Variants in SPMAP2 observed in about 807,000 individuals in gnomAD.
SPMAP2 encodes the protein sperm microtubule associated protein 2.
the SPMAP2 span, chr19:371,365 TGGGG>T: frequency 3.3e-4 from 284 of 855,394 alleles, 2 homozygotes; most frequent in East Asian, 1.4e-3. Flanking sequence ...CGGCCGGGGG[TGGGG>T]GTGTGTGTGT....
chr19:362,340 G>A, the SPMAP2 span: 2 of 1,610,720 alleles, frequency 1.2e-6, no homozygotes, highest in East Asian at 2.2e-5. Flanking sequence ...ATGATCCGGG[G>A]GCTGGCCACC....
the SPMAP2 span, chr19:372,722 G>A: frequency 1.9e-6 from 3 of 1,613,232 alleles, no homozygotes; most frequent in Non-Finnish European, 2.5e-6. Flanking sequence ...GGGAAACGGA[G>A]TCAGTGAACC....
At chr19:372,547 C>T in the SPMAP2 span, 1 of 1,432,486 alleles carries the variant, frequency 7.0e-7, no homozygotes, top group East Asian at 2.3e-5. Flanking sequence ...GGACCCTTTC[C>T]CACACAGCAT....
the SPMAP2 span, chr19:374,288 C>T: frequency 6.1e-5 from 99 of 1,613,640 alleles, no homozygotes; most frequent in Middle Eastern, 3.3e-4. Context: ...CGTGGTCTGG[C>T]GTGTCCTCAC....
At chr19:367,248 G>C in the SPMAP2 span, 1 of 1,571,632 alleles carries the variant, frequency 6.4e-7, no homozygotes, top group Non-Finnish European at 8.6e-7. Flanking sequence ...TAGAGAGAAG[G>C]GTTACGTGAA....
At chr19:366,769 T>C in the SPMAP2 span, among the ~76,000 whole-genome samples, 1 of 152,220 alleles carries the variant, frequency 6.6e-6, no homozygotes, top group African/African-American at 2.4e-5. Context: ...GTTATTCAAC[T>C]TGTTTTAAAA....
the SPMAP2 span, chr19:375,871 T>C: frequency 3.8e-6 from 6 of 1,580,750 alleles, no homozygotes; most frequent in African/African-American, 6.8e-5. Flanking sequence ...TACACAGAGC[T>C]CTGGAGGCCA....
the SPMAP2 span, among the ~76,000 whole-genome samples, chr19:370,495 C>A: frequency 4.3e-5 from 6 of 138,684 alleles, no homozygotes; most frequent in Admixed American, 3.9e-4. Flanking sequence ...GCGCCCGCCA[C>A]CACCCCCGGC....
the SPMAP2 span, chr19:372,660 T>G: frequency 1.2e-6 from 2 of 1,614,054 alleles, no homozygotes; most frequent in South Asian, 2.2e-5. Context: ...CCAGGTAGAA[T>G]CTCTTGGGCC....
chr19:371,314 G>A, the SPMAP2 span: 1 of 1,472,884 alleles, frequency 6.8e-7, no homozygotes, highest in Admixed American at 2.4e-5. Context: ...GGGCCAGACA[G>A]GAGTCGTCCT....
At chr19:371,371 T>C in the SPMAP2 span, 1 of 260,736 alleles carries the variant, frequency 3.8e-6, no homozygotes, top group East Asian at 9.5e-5. Context: ...GGGGTGGGGG[T>C]GTGTGTGTGT....
chr19:364,339 AAAAAAAAAAAAAAAAAAGAAAG>A, the SPMAP2 span, among the ~76,000 whole-genome samples: 17 of 81,854 alleles, frequency 2.1e-4, no homozygotes, highest in African/African-American at 4.1e-4. Context: ...TCTGTCTCAA[AAAAAAAAAAAAAAAAAAGAAAG>A]AAAAAAAAAG....
the SPMAP2 span, chr19:371,442 G>T: frequency 2.0e-6 from 1 of 490,780 alleles, no homozygotes. Flanking sequence ...CTCCATATGT[G>T]TCTGTCTGTC....
the SPMAP2 span, chr19:375,749 G>C: frequency 3.7e-6 from 6 of 1,609,884 alleles, no homozygotes; most frequent in African/African-American, 1.3e-5. Context: ...GGGTCTCCGG[G>C]AACTCCTCCC....
chr19:364,838 G>A, the SPMAP2 span, among the ~76,000 whole-genome samples: 3 of 152,046 alleles, frequency 2.0e-5, no homozygotes, highest in African/African-American at 7.2e-5. Flanking sequence ...AAGAAAGGTG[G>A]CCACCGAGTC....
At chr19:364,052 G>A in the SPMAP2 span, among the ~76,000 whole-genome samples, 11 of 152,086 alleles carry the variant, frequency 7.2e-5, no homozygotes, top group Middle Eastern at 3.4e-3. Context: ...AAAATATTTC[G>A]GTTGGGCGCG....
the SPMAP2 span, chr19:375,758 C>G: frequency 6.2e-7 from 1 of 1,610,322 alleles, no homozygotes; most frequent in Non-Finnish European, 8.5e-7. Flanking sequence ...GGAACTCCTC[C>G]CCGGCCACCT....
chr19:367,228 G>C, the SPMAP2 span: 3 of 1,592,252 alleles, frequency 1.9e-6, no homozygotes, highest in Non-Finnish European at 2.6e-6. Context: ...GGGACACCTG[G>C]AAAGAGAAAT....
chr19:373,401 G>A, the SPMAP2 span: 2 of 1,471,872 alleles, frequency 1.4e-6, no homozygotes, highest in Non-Finnish European at 1.9e-6. Flanking sequence ...TATCTAGATG[G>A]GGCGGGGCAG....
Sources: gnomAD v4.1 joint callset for allele counts (sites outside exome capture counted in the v4.1 genomes callset) on GRCh38, gnomAD v4.1.1 for gene constraint, MANE v1.5 for transcripts, NCBI Gene and HGNC (gene_info 2026-07-23, HGNC 2026-07-21) for gene names.